Variants in GRIA4 observed in about 807,000 individuals in gnomAD.
GRIA4 encodes glutamate receptor 4.
In GRIA4, 34 loss-of-function variants were observed where a neutral mutation model predicts 104.0. The ratio of observed to expected loss-of-function variants is 0.33; its 90% CI spans 0.25 to 0.44. The LOEUF is 0.44. Ranked by LOEUF, GRIA4 falls within the 20% of genes least tolerant of loss-of-function variation. The probability of loss-of-function intolerance (pLI) is 1.00; values close to 1 mark genes in which losing one functional copy is unlikely to be tolerated. For missense variants in GRIA4, 750 were observed against 1,096.5 expected (o/e 0.68, Z 4.46); for synonymous variants, 386 against 381.9 (o/e 1.01, Z -0.13).
At chr11:105,924,294 G>A (rs1947648027) in intron 11 of GRIA4, 105 bp from the exon 12 acceptor site, 1 of 764,316 alleles carries the variant, frequency 1.3e-6, no homozygotes, top group Non-Finnish European at 2.1e-6. Context: ...AAAAATAAAT[G>A]TAGAATAAAC....
At chr11:105,712,347 TTGTTA>T (rs1953940465) in intron 3 of GRIA4, among the ~76,000 whole-genome samples, 2 of 151,988 alleles carry the variant, frequency 1.3e-5, no homozygotes, top group African/African-American at 4.8e-5. Context: ...GAGAAAGCTG[TTGTTA>T]TATTAGTCAG....
chr11:105,905,102 C>A, intron 8 of GRIA4, 95 bp from the exon 9 acceptor site: 1 of 701,166 alleles, frequency 1.4e-6, no homozygotes, highest in South Asian at 1.7e-5. Context: ...GTTTATAGTT[C>A]TACTTTTTTA....
intron 6 of GRIA4, among the ~76,000 whole-genome samples, chr11:105,896,723 T>A (rs1591413653): frequency 6.6e-6 from 1 of 152,136 alleles, no homozygotes; most frequent in Admixed American, 6.6e-5. Context: ...TGGTTGTAGG[T>A]ATGTGACTTT....
At chr11:105,748,621 G>C (rs551383403) in intron 3 of GRIA4, among the ~76,000 whole-genome samples, 1 of 152,222 alleles carries the variant, frequency 6.6e-6, no homozygotes, top group South Asian at 2.1e-4. Context: ...CTGATCTCGT[G>C]ATCCGCCCGC....
At chr11:105,966,638 AAAAT>A (rs1236470440) in intron 14 of GRIA4, among the ~76,000 whole-genome samples, 1 of 152,220 alleles carries the variant, frequency 6.6e-6, no homozygotes, top group Non-Finnish European at 1.5e-5. Flanking sequence ...TCAGGAAACA[AAAAT>A]AAAATCAACT....
At chr11:105,935,138 T>C (rs1947996472) in intron 14 of GRIA4, among the ~76,000 whole-genome samples, 1 of 152,090 alleles carries the variant, frequency 6.6e-6, no homozygotes, top group Non-Finnish European at 1.5e-5. Flanking sequence ...GAGAGAGATA[T>C]AAGAAACAAA....
chr11:105,644,711 A>G (rs1173503246), intron 3 of GRIA4, among the ~76,000 whole-genome samples: 1 of 152,198 alleles, frequency 6.6e-6, no homozygotes. Context: ...AAATACGGTA[A>G]GGGCACATTG....
chr11:105,828,149 T>A (rs1203631464), intron 4 of GRIA4, among the ~76,000 whole-genome samples: 1 of 152,034 alleles, frequency 6.6e-6, no homozygotes, highest in South Asian at 2.1e-4. Flanking sequence ...CATTTTTAAA[T>A]GCAGCTGAAG....
chr11:105,966,014 T>C (rs1228226322), intron 14 of GRIA4: 1 of 1,613,570 alleles, frequency 6.2e-7, no homozygotes, highest in Non-Finnish European at 8.5e-7. Context: ...GAAAAACAAA[T>C]GGTGGTACGA....
chr11:105,891,941 T>C (rs1946468351), intron 6 of GRIA4, among the ~76,000 whole-genome samples: 1 of 152,132 alleles, frequency 6.6e-6, no homozygotes, highest in African/African-American at 2.4e-5. Context: ...CCAGCTTATG[T>C]TATTGTAATT....
At chr11:105,838,913 G>A (rs1193938731) in intron 4 of GRIA4, among the ~76,000 whole-genome samples, 1 of 152,116 alleles carries the variant, frequency 6.6e-6, no homozygotes, top group East Asian at 1.9e-4. Context: ...TGACCACTCC[G>A]TGAAACTGAC....
At chr11:105,777,831 C>T (rs1941519626) in intron 4 of GRIA4, among the ~76,000 whole-genome samples, 1 of 152,114 alleles carries the variant, frequency 6.6e-6, no homozygotes. Context: ...TTGAAACTAA[C>T]AGAAACCCAC....
chr11:105,652,416 A>C (rs1293560447), intron 3 of GRIA4, among the ~76,000 whole-genome samples: 1 of 152,172 alleles, frequency 6.6e-6, no homozygotes, highest in Non-Finnish European at 1.5e-5. Flanking sequence ...CTATTTTAAC[A>C]CAGGCTTCCA....
chr11:105,784,676 G>T (rs4755117), intron 4 of GRIA4, among the ~76,000 whole-genome samples: 18,592 of 152,070 alleles, frequency 0.12, 1,249 homozygotes, highest in Admixed American at 0.21. Context: ...TATCAATTTT[G>T]CACAAGTATG....
intron 3 of GRIA4, among the ~76,000 whole-genome samples, chr11:105,736,710 C>T (rs986787673): frequency 2.0e-5 from 3 of 151,430 alleles, no homozygotes; most frequent in African/African-American, 7.3e-5. Flanking sequence ...AATTTTTTTT[C>T]AAAAGGCTAT....
rs766403197 is a variant in GRIA4 at position 105,979,606 on chromosome 11, C to A, written c.2576C>A (p.Ala859Asp). 4.3e-6 allele frequency: 7 copies of A among 1,614,122 alleles called. No individual in the cohort carries two copies. Among genetic ancestry groups the A allele is most frequent in the Non-Finnish European group, 5.9e-6 (7 of 1,179,968 alleles). ...LTFSEAIRNK[A>D]RLSITGSVGE... is the part of the protein sequence containing the mutation. ...TTTTCTGAAGCCATAAGAAACAAAG[C>A]CAGATTATCCATCACTGGGAGTGTG... The change falls in exon 17 of 17, where the codon GCC becomes GAC. Residue 859 changes from alanine to aspartate, a missense_variant. Ala to Asp is a moderately radical substitution (Grantham distance 126). This residue lies in a region of GRIA4 where 68 missense variants were observed against 69.3 expected (regional missense o/e 0.98). Transcript: ENST00000282499.
At chr11:105,752,304 G>A (rs957098120) in intron 3 of GRIA4, among the ~76,000 whole-genome samples, 8 of 151,912 alleles carry the variant, frequency 5.3e-5, no homozygotes, top group Admixed American at 2.0e-4. Context: ...TTTGCTTTTC[G>A]GCCCGCCTAC....
At chr11:105,925,110 C>G (rs769318281) in intron 12 of GRIA4, among the ~76,000 whole-genome samples, 1 of 152,050 alleles carries the variant, frequency 6.6e-6, no homozygotes, top group Non-Finnish European at 1.5e-5. Flanking sequence ...AAAACAAACA[C>G]TTTTGCTATT....
Position 105,755,531 on chromosome 11 carries a change from C to G in GRIA4, c.487+2311C>G, listed in dbSNP as rs115846391. ...TAGCTAAGCAACATGATTTCAGGCT[C>G]ACTGGGAACGTCCGTCCTTTTCTTT... On this transcript the variant is annotated intron_variant, in intron 4 of 16. Coordinates refer to ENST00000282499, the MANE Select transcript of GRIA4 (RefSeq NM_000829.4). Among the ~76,000 whole-genome samples the G allele has an allele frequency of 4.2e-3, 644 of 152,258 alleles. 9 individuals carry two copies. Among genetic ancestry groups the G allele is most frequent in the African/African-American group, 0.014 (589 of 41,550 alleles).
Sources: gnomAD v4.1 joint callset for allele counts (sites outside exome capture counted in the v4.1 genomes callset) on GRCh38, gnomAD v4.1.1 for gene constraint, gnomAD v4.1.1 regional missense constraint, MANE v1.5 for transcripts, NCBI Gene and HGNC (gene_info 2026-07-23, HGNC 2026-07-21) for gene names.